LAMA5: variants seen among roughly 807,000 people sequenced by gnomAD.
LAMA5 encodes the protein laminin subunit alpha-5.
Under a neutral mutation model 433.4 loss-of-function variants are expected in LAMA5, and 260 were observed. That is an observed-to-expected ratio of 0.60 (90% confidence interval 0.54 to 0.66). The LOEUF (loss-of-function observed/expected upper bound fraction) is 0.66. Ranked by LOEUF, LAMA5 falls within the 30% of genes least tolerant of loss-of-function variation. The pLI is 0.00. For missense variants in LAMA5, 5,378 were observed against 5,258.5 expected, an observed-to-expected ratio of 1.02 and a Z score of -0.70; for synonymous variants, 2,620 against 2,226.6, an observed-to-expected ratio of 1.18 and a Z score of -4.97.
rs772336315 is a variant in LAMA5 at position 62,312,343 on chromosome 20, C to T, written c.9361-27G>A. ...TGCGGGGAGGCCATCCCTGAGTGCCCGCGGGTGCCCCTGCATGTCCACAGA... is the reference window on the plus strand; with the variant it reads ...TGCGGGGAGGCCATCCCTGAGTGCCTGCGGGTGCCCCTGCATGTCCACAGA... On this transcript the variant is annotated intron_variant, in intron 68 of 79. Coordinates refer to ENST00000252999, the MANE Select transcript of LAMA5 (RefSeq NM_005560.6). 1.8e-5 allele frequency: 29 copies of T among 1,603,868 alleles called. 1 individual carries two copies. The highest frequency in any genetic ancestry group is 1.5e-4 in the South Asian group (14 of 90,690).
chr20:62,313,481 C>G (rs571550969), intron 63 of LAMA5, 21 bp from the exon 64 acceptor site: 30 of 1,587,332 alleles, frequency 1.9e-5, no homozygotes, highest in African/African-American at 2.7e-5. Context: ...AGGGCTGGGT[C>G]AGGGCACCTG....
At chr20:62,336,130 C>T (rs1981579339) in intron 18 of LAMA5, among the ~76,000 whole-genome samples, 1 of 149,994 alleles carries the variant, frequency 6.7e-6, no homozygotes, top group Non-Finnish European at 1.5e-5. Flanking sequence ...TCGCAGCCCC[C>T]CTGAGGAACC....
chr20:62,314,453 C>G lies in LAMA5; in HGVS notation c.8368-13G>C. On this transcript the variant is annotated splice_polypyrimidine_tract_variant and intron_variant, in intron 61 of 79. Transcript: ENST00000252999. Reference sequence around the variant, plus strand: ...AGTCCCCAGTGGCCTGCGGCAGTGACAGACACACAGTCGGGATGGGGACCG... The same window carrying G: ...AGTCCCCAGTGGCCTGCGGCAGTGAGAGACACACAGTCGGGATGGGGACCG... The G allele has an allele frequency of 6.2e-7, 1 of 1,613,038 alleles. No homozygotes were observed. Among genetic ancestry groups the G allele is most frequent in the South Asian group, 1.1e-5 (1 of 91,068 alleles).
Position 62,310,929 on chromosome 20 carries a change from C to G in LAMA5, c.10254G>C (p.Gln3418His). Reference protein sequence around the residue: ...LGTRLRAQSRQRSRPGRWHKV... With the variant: ...LGTRLRAQSRHRSRPGRWHKV... ...TGTGCCAGCGGCCAGGCCGGGAGCG[C>G]TGGCGGCTCTGGGCGCGGAGCCGAG... Residue 3418 changes from glutamine (Q) to histidine (H), a missense_variant, in exon 74 of 80, where the codon CAG becomes CAC. Physicochemically the swap from Gln to His is conservative, Grantham distance 24. Coordinates refer to ENST00000252999, the MANE Select transcript of LAMA5 (RefSeq NM_005560.6). 6.2e-7 allele frequency: 1 copy of G among 1,610,910 alleles called. No homozygotes were observed. Among genetic ancestry groups the G allele is most frequent in the Non-Finnish European group, 8.5e-7 (1 of 1,179,488 alleles).
chr20:62,330,582 C>A lies in LAMA5; in HGVS notation c.3885G>T (p.Thr1295=). 1.3e-6 allele frequency: 2 copies of A among 1,593,174 alleles called. No individual in the cohort carries two copies. The highest frequency in any genetic ancestry group is 1.7e-6 in the Non-Finnish European group (2 of 1,171,618). Residue 1295 remains threonine (T), a synonymous_variant, in exon 31 of 80, where the codon ACG becomes ACT. Coordinates refer to ENST00000252999, the MANE Select transcript of LAMA5 (RefSeq NM_005560.6). ...GCAGCAGGAAGGCATAGCGGCCCAG[C>A]GTGGGCACATGGGTGGTGAAGACCA... ...ATVVFTTHVP[T]LGRYAFLLHG...
chr20:62,365,954 C>G (rs1986677831), intron 1 of LAMA5, among the ~76,000 whole-genome samples: 1 of 152,162 alleles, frequency 6.6e-6, no homozygotes, highest in South Asian at 2.1e-4. Flanking sequence ...ATCCCCATAA[C>G]GTCTTGCTCC....
Position 62,333,725 on chromosome 20 carries a change from G to T in LAMA5, c.2879-19C>A, listed in dbSNP as rs368150611. The T allele has an allele frequency of 1.9e-5, 30 of 1,563,966 alleles. No homozygotes were observed. The highest frequency in any genetic ancestry group is 2.4e-5 in the Non-Finnish European group (28 of 1,155,086). On this transcript the variant is annotated intron_variant, in intron 23 of 79. Transcript: ENST00000252999. ...GCTGTGCCTGGGCGGGGGCAGGGGT[G>T]AGACTCCTGAGCCCAGCCCTTGGGG...
chr20:62,352,538 C>A (rs1004819754), intron 3 of LAMA5, among the ~76,000 whole-genome samples, 178 bp from the exon 4 acceptor site: 1 of 152,068 alleles, frequency 6.6e-6, no homozygotes, highest in African/African-American at 2.4e-5. Flanking sequence ...GACTGCACTG[C>A]CCCCCACCGC....
In LAMA5 at chr20:62,313,127, G is replaced by A. The variant is rs750547618; in HGVS notation, c.8916C>T (p.Leu2972=). The change falls in exon 65 of 80, where the codon CTC becomes CTT. Residue 2972 remains leucine (L), a synonymous_variant. Coordinates refer to ENST00000252999, the MANE Select transcript of LAMA5 (RefSeq NM_005560.6). ...AGAAGAGCACCCCGCTGTAGGACAC[G>A]AGCCGCAGCTCCTGCTCGAAGCGCT... ...TTKRFEQELR[L]VSYSGVLFFL... is the part of the protein sequence containing the mutation. 16 of 1,608,976 alleles carry A rather than the reference G, an allele frequency of 9.9e-6. No homozygotes were observed. The highest frequency in any genetic ancestry group is 2.2e-5 in the South Asian group (2 of 91,040).
At position 62,334,337 on chromosome 20, in the gene LAMA5, G is replaced by A. The variant is rs138657380; in HGVS notation, c.2588C>T (p.Ala863Val). The stretch of plus-strand genomic sequence containing the variant: ...CAGGTCCGGGAGGTAGTGGTCCCTC[G>A]CAGGCCTGGCCACAGCAGGGGCTGG... Reference protein sequence around the residue: ...NTQGPTCSEPARDHYLPDLHH... With the variant: ...NTQGPTCSEPVRDHYLPDLHH... The change falls in exon 22 of 80, where the codon GCG becomes GTG. Residue 863 changes from alanine (A) to valine (V), a missense_variant. Physicochemically the swap from Ala to Val is moderately conservative, Grantham distance 64. Coordinates refer to ENST00000252999, the MANE Select transcript of LAMA5 (RefSeq NM_005560.6). 2.3e-3 allele frequency: 3,692 copies of A among 1,599,214 alleles called. 79 individuals carry two copies. The African/African-American group carries it at 0.045, about 20-fold the overall frequency.
In LAMA5 at chr20:62,316,992, T is replaced by C. The variant is rs1987011743; in HGVS notation, c.7543A>G (p.Thr2515Ala). ...IILDVNQDRL[T>A]QRAIEASNAY... The stretch of plus-strand genomic sequence containing the variant: ...TTGGAGGCCTCGATGGCCCTCTGGG[T>C]GAGGCGGTCCTGGTTGACGTCCAGG... The change falls in exon 56 of 80, where the codon ACC (threonine) becomes GCC (alanine). Residue 2515 changes from threonine to alanine, a missense_variant. Transcript: ENST00000252999. 5.8e-6 allele frequency: 9 copies of C among 1,552,168 alleles called. No homozygotes were observed. Among genetic ancestry groups the C allele is most frequent in the Admixed American group, 1.9e-5 (1 of 51,886 alleles).
chr20:62,332,051 C>CAA lies in LAMA5; in HGVS notation c.3552+319_3552+320dup, dbSNP rs1160149059. On this transcript the variant is annotated intron_variant, in intron 28 of 79. Coordinates refer to ENST00000252999, the MANE Select transcript of LAMA5 (RefSeq NM_005560.6). ...TGGGCGACAGAGTGAGACTCCATTT[C>CAA]AAAAAAAAAAAAAAAGAAAAGAAAG... Among the ~76,000 whole-genome samples the CAA allele has an allele frequency of 6.2e-3, 702 of 113,294 alleles. 5 individuals carry two copies. Among genetic ancestry groups the CAA allele is most frequent in the African/African-American group, 0.022 (671 of 30,764 alleles). 74.3% of individuals were successfully genotyped at this position (113,294 alleles called of 152,430 possible).
In LAMA5 at chr20:62,314,687, C is replaced by T. The variant is rs376786653; in HGVS notation, c.8235G>A (p.Val2745=). 3.5e-5 allele frequency: 57 copies of T among 1,612,520 alleles called. No individual in the cohort carries two copies. The highest frequency in any genetic ancestry group is 4.7e-5 in the Non-Finnish European group (56 of 1,179,878). ...VPMKFNGRSG[V]QLRTPRDLAD... is the part of the protein sequence containing the mutation. ...CAAGATCCCGTGGGGTGCGCAGCTG[C>T]ACCCCTGAGCGCCCGTTGAACTTCA... Residue 2745 remains valine, a synonymous_variant, in exon 61 of 80, where the codon GTG becomes GTA. Transcript: ENST00000252999.
At chr20:62,330,347 G>A (rs894826065) in intron 31 of LAMA5, 141 bp downstream of exon 31, 2 of 1,235,332 alleles carry the variant, frequency 1.6e-6, no homozygotes, top group African/African-American at 3.0e-5. Context: ...GGGCTGCAAG[G>A]GCAGCTAGTT....
chr20:62,344,958 CT>C (rs1317368276), intron 11 of LAMA5, among the ~76,000 whole-genome samples: 1 of 152,144 alleles, frequency 6.6e-6, no homozygotes, highest in East Asian at 1.9e-4. Context: ...AAGAGAAGTG[CT>C]TGTGTACAGA....
In LAMA5 at chr20:62,310,947, G is replaced by A. The variant is rs759683689; in HGVS notation, c.10236C>T (p.Leu3412=). Residue 3412 remains leucine (L), a synonymous_variant, in exon 74 of 80, where the codon CTC becomes CTT. Transcript: ENST00000252999. ...VAQMEGLGTR[L]RAQSRQRSRP... is the part of the protein sequence containing the mutation. ...GGGAGCGCTGGCGGCTCTGGGCGCG[G>A]AGCCGAGTCCCGAGGCCTTCCATCT... The A allele has an allele frequency of 1.2e-6, 2 of 1,611,236 alleles. No individual in the cohort carries two copies. Among genetic ancestry groups the A allele is most frequent in the African/African-American group, 1.3e-5 (1 of 74,922 alleles).
intron 11 of LAMA5, among the ~76,000 whole-genome samples, chr20:62,342,573 G>A (rs1406344383): frequency 6.6e-6 from 1 of 152,080 alleles, no homozygotes; most frequent in Non-Finnish European, 1.5e-5. Flanking sequence ...CAGCTACTCA[G>A]GAGGCTGAGG....
chr20:62,335,114 A>G lies in LAMA5; in HGVS notation c.2389T>C (p.Cys797Arg). ...CCGCACACGTGGGGCTTGCAGAAGCACTGGCCGGTGCCCTGGGGGCCAAGG... is the reference window on the plus strand; with the variant it reads ...CCGCACACGTGGGGCTTGCAGAAGCGCTGGCCGGTGCCCTGGGGGCCAAGG... The part of the protein sequence containing the change: ...VAECQPGTGQ[C>R]FCKPHVCGQA... The change falls in exon 20 of 80, where the codon TGC becomes CGC. Residue 797 changes from cysteine to arginine, a missense_variant. Coordinates refer to ENST00000252999, the MANE Select transcript of LAMA5 (RefSeq NM_005560.6). 3 of 1,612,914 alleles carry G rather than the reference A, an allele frequency of 1.9e-6. No individual in the cohort carries two copies. Among genetic ancestry groups the G allele is most frequent in the East Asian group, 2.2e-5 (1 of 44,874 alleles).
In LAMA5 at chr20:62,312,071, A is replaced by AGCCG. The variant is rs747659752; in HGVS notation, c.9505-25_9505-22dup. The AGCCG allele has an allele frequency of 6.2e-4, 1,000 of 1,610,260 alleles. 1 individual carries two copies. Among genetic ancestry groups the AGCCG allele is most frequent in the Admixed American group, 7.3e-4 (44 of 59,886 alleles). On this transcript the variant is annotated intron_variant, in intron 69 of 79. Transcript: ENST00000252999. ...CCATCCTGGGGACGGCAGCCAGGTC[A>AGCCG]GCCGGCCGGCCTGGGGACCCAGACT...
Sources: gnomAD v4.1 joint callset for allele counts (sites outside exome capture counted in the v4.1 genomes callset) on GRCh38, gnomAD v4.1.1 for gene constraint, MANE v1.5 for transcripts, NCBI Gene and HGNC (gene_info 2026-07-23, HGNC 2026-07-21) for gene names.